Variants in HDAC6 observed in about 807,000 individuals in gnomAD.
HDAC6 encodes histone deacetylase 6.
A neutral mutation model predicts 88.9 loss-of-function variants in HDAC6; 5 were observed. That is an observed-to-expected ratio of 0.06 (90% confidence interval 0.03 to 0.12). The LOEUF is 0.12. HDAC6 is among the 10% of genes least tolerant of loss of function. The probability of loss-of-function intolerance (pLI) is 1.00; values close to 1 mark genes in which losing one functional copy is unlikely to be tolerated. For synonymous variants in HDAC6, 378 were observed against 398.0 expected (o/e 0.95, Z 0.60); for missense variants, 706 against 1,014.4 (o/e 0.70, Z 4.13).
chrX:48,804,864 G>A (rs1205104516), intron 4 of HDAC6, among the ~76,000 whole-genome samples: 4 of 105,544 alleles, frequency 3.8e-5, no homozygotes, highest in Non-Finnish European at 5.9e-5. Flanking sequence ...GGGATCTGAA[G>A]AGGTGAAGGA....
At chrX:48,807,083 G>A (rs781853300) in intron 8 of HDAC6, 11 of 125,717 alleles carry the variant, frequency 8.7e-5, no homozygotes, top group Non-Finnish European at 1.6e-4. Flanking sequence ...GTAAAATCAT[G>A]GTACATCTTA....
chrX:48,810,261 G>A (rs782488546), intron 10 of HDAC6, among the ~76,000 whole-genome samples: 14 of 109,592 alleles, frequency 1.3e-4, no homozygotes, highest in African/African-American at 4.3e-4. Context: ...ATTATTTGTA[G>A]AGACAGGGTC....
Position 48,805,682 on chromosome X carries a change from G to A in HDAC6, c.437+11G>A, listed in dbSNP as rs1557024044. 8.6e-7 allele frequency: 1 copy of A among 1,160,780 alleles called. No homozygotes were observed. On this transcript the variant is annotated intron_variant, in intron 6 of 28. Transcript: ENST00000334136. ...GATGTTGGTTCACAGGTGAAGGCTT[G>A]GGAGCCTTGTAGGGATGGGGAGGAG...
intron 3 of HDAC6, 53 bp downstream of exon 3, chrX:48,803,052 G>T (rs1341625177): frequency 8.3e-7 from 1 of 1,203,070 alleles, no homozygotes; most frequent in Admixed American, 2.2e-5. Context: ...AAACCCAAAG[G>T]TTCCCCACCC....
intron 6 of HDAC6, 120 bp from the exon 7 acceptor site, chrX:48,806,248 C>T: frequency 2.0e-6 from 1 of 494,506 alleles, no homozygotes; most frequent in East Asian, 3.6e-5. Context: ...TATATCCTGG[C>T]TATTCCTTCA....
In HDAC6 at chrX:48,802,643, G is replaced by T. The variant is rs192998875; in HGVS notation, c.-30-20G>T. 4.3e-6 allele frequency: 5 copies of T among 1,172,025 alleles called. No individual in the cohort carries two copies. The Admixed American group carries it at 1.0e-4, about 24-fold the overall frequency. On this transcript the variant is annotated intron_variant, in intron 1 of 28. Coordinates refer to ENST00000334136, the MANE Select transcript of HDAC6 (RefSeq NM_006044.4). Reference sequence around the variant, plus strand: ...CACACTAGCCCCCTCACATACCCACGCTCCTCCCCCCACCCCCAGAACCGC... The same window carrying T: ...CACACTAGCCCCCTCACATACCCACTCTCCTCCCCCCACCCCCAGAACCGC...
upstream of HDAC6, chrX:48,801,733 G>C (rs1158275686): frequency 1.4e-5 from 8 of 574,288 alleles, no homozygotes; most frequent in Non-Finnish European, 1.9e-5. Flanking sequence ...CCGCCCCGCC[G>C]CTTGTGAGCT....
intron 3 of HDAC6, 26 bp from the exon 4 acceptor site, chrX:48,803,102 T>C (rs1473141837): frequency 2.9e-5 from 35 of 1,199,362 alleles, no homozygotes; most frequent in Non-Finnish European, 3.8e-5. Flanking sequence ...AATGGATCTG[T>C]GTCTCCTTTT....
chrX:48,802,621 A>G (rs1557022703), intron 1 of HDAC6, 42 bp from the exon 2 acceptor site: 1 of 1,165,464 alleles, frequency 8.6e-7, no homozygotes, highest in East Asian at 3.2e-5. Flanking sequence ...CTCAGGGCAC[A>G]CTAGCCCCCT....
chrX:48,815,384 G>A lies in HDAC6; in HGVS notation c.1150G>A (p.Gly384Ser). 1 of 1,190,078 alleles carries A rather than the reference G, an allele frequency of 8.4e-7. No individual in the cohort carries two copies. Reference sequence around the variant, plus strand: ...CCCCCTTCACAACTCCTTGCCCCAGGGTGGCTACAACCTCCGCGCCCTGGC... The same window carrying A: ...CCCCCTTCACAACTCCTTGCCCCAGAGTGGCTACAACCTCCGCGCCCTGGC... ...AGGKLILSLE[G>S]GYNLRALAEG... Residue 384 changes from glycine to serine, a missense_variant and splice_region_variant, in exon 15 of 29, where the codon GGT becomes AGT. This residue lies in a region of HDAC6 where 106 missense variants were observed against 135.1 expected (regional missense o/e 0.78). Transcript: ENST00000334136.
intron 23 of HDAC6, among the ~76,000 whole-genome samples, chrX:48,821,105 T>C (rs1557029620): frequency 1.8e-5 from 2 of 111,530 alleles, no homozygotes; most frequent in Admixed American, 1.9e-4. Context: ...CCCAGAGTGC[T>C]GGAATTACAG....
In HDAC6 at chrX:48,816,522, C is replaced by T. The variant is rs782146094; in HGVS notation, c.1680C>T (p.His560=). 8.3e-7 allele frequency: 1 copy of T among 1,209,756 alleles called. No homozygotes were observed. Among genetic ancestry groups the T allele is most frequent in the South Asian group, 1.8e-5 (1 of 56,606 alleles). ...ATEKMKTREL[H]RESSNFDSIY... ...AGAAAATGAAAACCCGGGAGCTGCA[C>T]CGTGAGAGTTCCAACTTTGACTCCA... Residue 560 remains histidine, a synonymous_variant, in exon 19 of 29, where the codon CAC becomes CAT. Transcript: ENST00000334136.
In HDAC6 at chrX:48,824,736, A is replaced by G. The variant is rs1021840258; in HGVS notation, c.*124A>G. ...CATCCCATCCTGAATATCCTTTGCAACTCCCCAAGAGTGCTTATTTAAGTG... is the reference window on the plus strand; with the variant it reads ...CATCCCATCCTGAATATCCTTTGCAGCTCCCCAAGAGTGCTTATTTAAGTG... On this transcript the variant is annotated 3_prime_UTR_variant, in exon 29 of 29. Coordinates refer to ENST00000334136, the MANE Select transcript of HDAC6 (RefSeq NM_006044.4). 8.9e-7 allele frequency: 1 copy of G among 1,119,782 alleles called. No homozygotes were observed. Among genetic ancestry groups the G allele is most frequent in the Non-Finnish European group, 1.2e-6 (1 of 850,857 alleles). 92.3% of individuals were successfully genotyped at this position (1,119,782 alleles called of 1,213,427 possible).
rs1405741938 is a variant in HDAC6, at chrX:48,824,612, AGC to A, written c.*1_*2del. On this transcript the variant is annotated 3_prime_UTR_variant, in exon 29 of 29. Transcript: ENST00000334136. The stretch of plus-strand genomic sequence containing the variant: ...GGGAGGATATGCCCCACCCACACTA[AGC>A]CCCAGAATACGGTCCCTCTTCACCT... The A allele has an allele frequency of 8.3e-7, 1 of 1,210,018 alleles. No individual in the cohort carries two copies. Among genetic ancestry groups the A allele is most frequent in the Non-Finnish European group, 1.1e-6 (1 of 894,522 alleles).
At chrX:48,807,982 A>G (rs1557024874) in intron 8 of HDAC6, 51 bp from the exon 9 acceptor site, 2 of 840,130 alleles carry the variant, frequency 2.4e-6, no homozygotes, top group Admixed American at 5.2e-5. Flanking sequence ...CTGTCTCTGC[A>G]GAGGAGGACC....
Position 48,814,474 on chromosome X carries a change from G to T in HDAC6, c.841G>T (p.Gly281Cys). The T allele has an allele frequency of 8.3e-7, 1 of 1,211,283 alleles. No homozygotes were observed. The highest frequency in any genetic ancestry group is 2.2e-5 in the Admixed American group (1 of 46,060). Residue 281 changes from glycine to cysteine, a missense_variant, in exon 11 of 29, where the codon GGT becomes TGT. Gly to Cys is a radical substitution (Grantham distance 159). Coordinates refer to ENST00000334136, the MANE Select transcript of HDAC6 (RefSeq NM_006044.4). ...TTTCTCCATCCACCGCTACGAGCAGGGTAGGTTCTGGCCCCACCTGAAGGC... is the reference window on the plus strand; with the variant it reads ...TTTCTCCATCCACCGCTACGAGCAGTGTAGGTTCTGGCCCCACCTGAAGGC... ...LYFSIHRYEQ[G>C]RFWPHLKASN...
rs1557024003 is a variant in HDAC6, at chrX:48,805,642, T to C, written c.408T>C (p.Ala136=). ...DRCVSFQARF[A]EKEELMLVHS... is the part of the protein sequence containing the mutation. The stretch of plus-strand genomic sequence containing the variant: ...TCATCTCTCCCCAGGCCCGGTTTGC[T>C]GAAAAGGAAGAGCTGATGTTGGTTC... Residue 136 remains alanine (A), a synonymous_variant, in exon 6 of 29, where the codon GCT becomes GCC. Coordinates refer to ENST00000334136, the MANE Select transcript of HDAC6 (RefSeq NM_006044.4). 1.7e-6 allele frequency: 2 copies of C among 1,179,812 alleles called. No individual in the cohort carries two copies. Among genetic ancestry groups the C allele is most frequent in the Admixed American group, 4.9e-5 (2 of 40,913 alleles).
At position 48,821,498 on chromosome X, in the gene HDAC6, T is replaced by C. The variant is rs6609797; in HGVS notation, c.2338-1122T>C. Among the ~76,000 whole-genome samples, 28 of 102,297 alleles carry C rather than the reference T, an allele frequency of 2.7e-4. No individual in the cohort carries two copies. The East Asian group carries it at 7.0e-3, about 26-fold the overall frequency. 88.8% of individuals were successfully genotyped at this position (102,297 alleles called of 115,157 possible). A position where few individuals can be genotyped will look rare whatever the true frequency, so the allele number is the denominator to read the frequency against. On this transcript the variant is annotated intron_variant, in intron 23 of 28. Transcript: ENST00000334136. ...GAGCTACCATACCTGCCTCTTTTTT[T>C]TTTTTTTTTTTTTTTTCCTTTTGAG... is the stretch of plus-strand genomic sequence containing the variant.
chrX:48,821,287 G>T (rs1429232552), intron 23 of HDAC6, among the ~76,000 whole-genome samples: 2 of 106,947 alleles, frequency 1.9e-5, no homozygotes, highest in Admixed American at 2.0e-4. Context: ...GGCTCACTGG[G>T]TTCAAGCAGT....
Sources: allele counts gnomAD v4.1 joint callset (sites outside exome capture counted in the v4.1 genomes callset), GRCh38; gene constraint gnomAD v4.1.1; regional missense constraint gnomAD v4.1.1; transcripts MANE v1.5; gene names NCBI Gene and HGNC (gene_info 2026-07-23, HGNC 2026-07-21).